Variants in RB1CC1 observed in about 807,000 individuals in gnomAD.
RB1CC1 encodes the protein RB1-inducible coiled-coil protein 1.
RB1CC1 carries 46 observed loss-of-function variants against 177.5 expected under a neutral mutation model. That is an observed-to-expected ratio of 0.26 (90% CI 0.20 to 0.33). RB1CC1 has a LOEUF of 0.33. Among genes scored for constraint, RB1CC1 ranks in the 10% least tolerant of loss-of-function variants. The pLI, the probability that RB1CC1 is intolerant of heterozygous loss-of-function variation, is 1.00. For missense variants in RB1CC1, 1,703 were observed against 1,816.3 expected (o/e 0.94, Z 1.13); for synonymous variants, 666 against 613.6 (o/e 1.09, Z -1.26).
chr8:52,657,516 C>A lies in RB1CC1; in HGVS notation c.2313G>T (p.Ala771=). The A allele has an allele frequency of 6.2e-7, 1 of 1,613,908 alleles. No individual in the cohort carries two copies. The highest frequency in any genetic ancestry group is 8.5e-7 in the Non-Finnish European group (1 of 1,180,002). ...VESLYSSVIN[A]IDSRRMQDTN... ...TATCCTGCATTCGTCTACTGTCTAT[C>A]GCATTGATAACTGATGAATAAAGTG... Residue 771 remains alanine, a synonymous_variant, in exon 15 of 24, where the codon GCG becomes GCT. Coordinates refer to ENST00000025008, the MANE Select transcript of RB1CC1 (RefSeq NM_014781.5).
intron 5 of RB1CC1, among the ~76,000 whole-genome samples, chr8:52,682,048 C>T (rs952669476): frequency 1.3e-5 from 2 of 152,162 alleles, no homozygotes; most frequent in African/African-American, 4.8e-5. Flanking sequence ...TTGCACTGTG[C>T]ACCTGGAAAA....
chr8:52,676,347 T>C (rs1853125666), intron 6 of RB1CC1, 22 bp downstream of exon 6: 1 of 1,570,126 alleles, frequency 6.4e-7, no homozygotes, highest in Non-Finnish European at 8.7e-7. Context: ...ACAAATATTA[T>C]CCATTTTAAT....
intron 8 of RB1CC1, among the ~76,000 whole-genome samples, chr8:52,666,296 C>T (rs1043026080): frequency 2.8e-4 from 43 of 152,096 alleles, no homozygotes; most frequent in African/African-American, 9.2e-4. Context: ...GAGGCCGAGG[C>T]AGGCCTGAGG....
chr8:52,678,430 CA>C (rs969305579), intron 5 of RB1CC1, among the ~76,000 whole-genome samples: 30 of 151,890 alleles, frequency 2.0e-4, no homozygotes, highest in African/African-American at 7.0e-4. Flanking sequence ...AAAACAACAA[CA>C]AAAAAAGTAT....
At chr8:52,670,621 C>A (rs913173941) in intron 7 of RB1CC1, among the ~76,000 whole-genome samples, 26 of 152,322 alleles carry the variant, frequency 1.7e-4, no homozygotes, top group East Asian at 7.7e-4. Context: ...AATGCAGACA[C>A]TTCCAATTAT....
intron 21 of RB1CC1, among the ~76,000 whole-genome samples, chr8:52,629,476 T>A (rs1030652248): frequency 2.0e-5 from 3 of 152,114 alleles, no homozygotes; most frequent in Admixed American, 6.6e-5. Flanking sequence ...CAACCAACCA[T>A]CTGAATGAAC....
At chr8:52,640,286 G>A (rs1023329067) in intron 18 of RB1CC1, among the ~76,000 whole-genome samples, 4 of 152,098 alleles carry the variant, frequency 2.6e-5, no homozygotes, top group East Asian at 3.8e-4. Flanking sequence ...GTTGGTCAAC[G>A]GGTACAAAGC....
intron 15 of RB1CC1, among the ~76,000 whole-genome samples, chr8:52,653,833 A>G (rs955898696): frequency 6.6e-6 from 1 of 152,326 alleles, no homozygotes; most frequent in Admixed American, 6.5e-5. Context: ...TCAGGGCTCA[A>G]AAAGTTTCAG....
chr8:52,666,900 G>C (rs1016374686), intron 8 of RB1CC1, among the ~76,000 whole-genome samples: 1 of 152,160 alleles, frequency 6.6e-6, no homozygotes, highest in African/African-American at 2.4e-5. Flanking sequence ...GGTCTAACAC[G>C]TCTAACTGGA....
At chr8:52,652,995 TGTG>T (rs1554533700) in intron 15 of RB1CC1, among the ~76,000 whole-genome samples, 3 of 152,082 alleles carry the variant, frequency 2.0e-5, no homozygotes, top group Non-Finnish European at 2.9e-5. Context: ...AGGCAGAGGT[TGTG>T]GTGAAGAGAG....
At position 52,699,856 on chromosome 8, in the gene RB1CC1, T is replaced by C. The variant is rs867128295; in HGVS notation, c.-166-12889A>G. Among the ~76,000 whole-genome samples the C allele has an allele frequency of 1.7e-3, 150 of 86,918 alleles. 1 individual carries two copies. Among genetic ancestry groups the C allele is most frequent in the Middle Eastern group, 7.1e-3 (1 of 140 alleles). The allele number at this position is 86,918 out of a possible 152,430, so 57.0% of individuals were successfully genotyped here. ...ATATATATATATATATATATATATATATACACACAAAAACAAAAGAAAGCT... is the reference window on the plus strand; with the variant it reads ...ATATATATATATATATATATATATACATACACACAAAAACAAAAGAAAGCT... On this transcript the variant is annotated intron_variant, in intron 1 of 23. Transcript: ENST00000025008.
At position 52,668,084 on chromosome 8, in the gene RB1CC1, G is replaced by A. The variant is rs758285994; in HGVS notation, c.1110C>T (p.Tyr370=). The change falls in exon 8 of 24, where the codon TAC becomes TAT. Residue 370 remains tyrosine (Y), a synonymous_variant. Transcript: ENST00000025008. ...AGCTAGCAATCATCTGGTCCAGGGCGTAGAGCCGATCTTCAAGTCCTTTAA... is the reference window on the plus strand; with the variant it reads ...AGCTAGCAATCATCTGGTCCAGGGCATAGAGCCGATCTTCAAGTCCTTTAA... ...KAIKGLEDRL[Y]ALDQMIASCG... 21 of 1,614,022 alleles carry A rather than the reference G, an allele frequency of 1.3e-5. No homozygotes were observed. Among genetic ancestry groups the A allele is most frequent in the Admixed American group, 5.0e-5 (3 of 59,998 alleles).
At chr8:52,674,446 CAG>C (rs2150557522) in intron 6 of RB1CC1, among the ~76,000 whole-genome samples, 172 bp from the exon 7 acceptor site, 1 of 152,264 alleles carries the variant, frequency 6.6e-6, no homozygotes, top group South Asian at 2.1e-4. Flanking sequence ...TCTAGTTTAG[CAG>C]AGAGAGGCTA....
chr8:52,669,896 T>G (rs1198996884), intron 7 of RB1CC1, among the ~76,000 whole-genome samples: 1 of 152,188 alleles, frequency 6.6e-6, no homozygotes, highest in East Asian at 1.9e-4. Context: ...AAAGTATAAC[T>G]GCACTGACAA....
At chr8:52,661,476 G>T (rs1851623285) in intron 9 of RB1CC1, 59 bp downstream of exon 9, 3 of 1,496,858 alleles carry the variant, frequency 2.0e-6, no homozygotes, top group South Asian at 2.6e-5. Flanking sequence ...TCATTTGGGA[G>T]AAATAAATAT....
chr8:52,659,453 T>G (rs555557327), intron 12 of RB1CC1, among the ~76,000 whole-genome samples: 1 of 152,254 alleles, frequency 6.6e-6, no homozygotes, highest in South Asian at 2.1e-4. Context: ...TTTGGTCAAT[T>G]TTAGCTTCTG....
chr8:52,685,326 A>G (rs753453343), intron 3 of RB1CC1, 73 bp downstream of exon 3: 59 of 1,164,522 alleles, frequency 5.1e-5, no homozygotes, highest in Non-Finnish European at 7.0e-5. Context: ...CTTTTTAAAC[A>G]GTAGAATAAT....
At chr8:52,686,514 C>A (rs1216062353) in intron 2 of RB1CC1, among the ~76,000 whole-genome samples, 2 of 152,078 alleles carry the variant, frequency 1.3e-5, no homozygotes, top group Non-Finnish European at 2.9e-5. Context: ...CCACTGCACT[C>A]CAGCCTGGGC....
intron 18 of RB1CC1, among the ~76,000 whole-genome samples, chr8:52,638,777 T>C (rs1253353738): frequency 1.3e-5 from 2 of 152,120 alleles, no homozygotes; most frequent in African/African-American, 2.4e-5. Flanking sequence ...ATGTAAAATA[T>C]GGCTCACCTC....
Sources: gnomAD v4.1 joint callset for allele counts (sites outside exome capture counted in the v4.1 genomes callset) on GRCh38, gnomAD v4.1.1 for gene constraint, MANE v1.5 for transcripts, NCBI Gene and HGNC (gene_info 2026-07-23, HGNC 2026-07-21) for gene names.